CNTLN: variants seen among roughly 807,000 people sequenced by gnomAD.
CNTLN encodes the protein centlein, centrosomal protein.
Under a neutral mutation model 180.0 loss-of-function variants are expected in CNTLN, and 212 were observed. The ratio of observed to expected loss-of-function variants is 1.18; its 90% CI spans 1.05 to 1.32. The LOEUF is 1.32. CNTLN is among the 40% of genes most tolerant of loss of function. The pLI is 0.00. For synonymous variants in CNTLN, 722 were observed against 563.1 expected (o/e 1.28, Z -3.99); for missense variants, 2,095 against 1,610.9 (o/e 1.30, Z -5.14).
At chr9:17,359,744 A>ACAAAAAAAG (rs1384389931) in intron 12 of CNTLN, among the ~76,000 whole-genome samples, 1 of 50,204 alleles carries the variant, frequency 2.0e-5, no homozygotes, top group African/African-American at 5.3e-5. Flanking sequence ...AAAAAAAAAA[A>ACAAAAAAAG]AAAAAACTAG....
intron 12 of CNTLN, among the ~76,000 whole-genome samples, chr9:17,362,362 A>T (rs1400798035): frequency 6.6e-6 from 1 of 152,106 alleles, no homozygotes; most frequent in Non-Finnish European, 1.5e-5. Context: ...GTGCATGTGT[A>T]TGTGTTCCTC....
chr9:17,142,083 G>GAAAAAA (rs1180057903), intron 1 of CNTLN, among the ~76,000 whole-genome samples: 1 of 57,724 alleles, frequency 1.7e-5, no homozygotes, highest in African/African-American at 6.3e-5. Context: ...CTCTGTCTCA[G>GAAAAAA]AAAAAAAAAA....
chr9:17,305,050 G>C (rs1164291022), intron 7 of CNTLN, among the ~76,000 whole-genome samples: 2 of 152,004 alleles, frequency 1.3e-5, no homozygotes, highest in Non-Finnish European at 2.9e-5. Flanking sequence ...TTTCAAAATT[G>C]TTAAGATATA....
At chr9:17,526,157 G>A in the CNTLN span, among the ~76,000 whole-genome samples, 13 of 152,098 alleles carry the variant, frequency 8.5e-5, no homozygotes, top group African/African-American at 2.7e-4. Context: ...GGATGGTCTC[G>A]ATCTCCTGAC....
At chr9:17,235,871 G>A in intron 4 of CNTLN, 79 bp downstream of exon 4, 2 of 1,459,678 alleles carry the variant, frequency 1.4e-6, no homozygotes, top group Non-Finnish European at 1.8e-6. Context: ...TTGTGGCACA[G>A]AAAGTGACAG....
At chr9:17,174,002 A>G (rs985925220) in intron 2 of CNTLN, among the ~76,000 whole-genome samples, 7 of 152,120 alleles carry the variant, frequency 4.6e-5, no homozygotes, top group Non-Finnish European at 1.0e-4. Context: ...TCCACACCCT[A>G]GCCTGTTTGT....
At chr9:17,138,975 C>G (rs897248664) in intron 1 of CNTLN, among the ~76,000 whole-genome samples, 3 of 151,750 alleles carry the variant, frequency 2.0e-5, no homozygotes, top group African/African-American at 7.3e-5. Context: ...GTTTCATAGC[C>G]CAAGTTTAAT....
At chr9:17,289,915 T>G (rs1430414497) in intron 6 of CNTLN, among the ~76,000 whole-genome samples, 1 of 144,402 alleles carries the variant, frequency 6.9e-6, no homozygotes, top group African/African-American at 2.7e-5. Flanking sequence ...TTCTTCTAAA[T>G]TTTTTTCAAA....
chr9:17,437,314 C>T (rs540017657), intron 18 of CNTLN, among the ~76,000 whole-genome samples: 1 of 152,298 alleles, frequency 6.6e-6, no homozygotes, highest in East Asian at 1.9e-4. Flanking sequence ...TATAAAATTG[C>T]ACTTCTTATA....
At chr9:17,436,202 A>G (rs1004133330) in intron 18 of CNTLN, among the ~76,000 whole-genome samples, 28 of 152,132 alleles carry the variant, frequency 1.8e-4, no homozygotes, top group Admixed American at 1.6e-3. Context: ...ATTATATACT[A>G]TTGTTTAGTT....
At chr9:17,412,453 A>G (rs1198754385) in intron 16 of CNTLN, among the ~76,000 whole-genome samples, 1 of 152,182 alleles carries the variant, frequency 6.6e-6, no homozygotes. Context: ...ACTCACTACA[A>G]TGGTTTGAGT....
intron 7 of CNTLN, chr9:17,302,058 T>C (rs1818396176): frequency 2.0e-6 from 2 of 984,864 alleles, no homozygotes; most frequent in South Asian, 9.4e-5. Context: ...ACTATTACTA[T>C]TCATTATAGT....
intron 8 of CNTLN, among the ~76,000 whole-genome samples, chr9:17,315,091 T>C (rs915055779): frequency 6.6e-6 from 1 of 152,290 alleles, no homozygotes; most frequent in Admixed American, 6.5e-5. Context: ...CTTTATTCTT[T>C]TGTGCAATTC....
intron 13 of CNTLN, among the ~76,000 whole-genome samples, chr9:17,378,928 A>C (rs1825001468): frequency 6.6e-6 from 1 of 152,058 alleles, no homozygotes. Flanking sequence ...GACTTCTTTA[A>C]TATTTCTTAG....
At chr9:17,343,797 T>A (rs1821669619) in intron 12 of CNTLN, among the ~76,000 whole-genome samples, 1 of 152,036 alleles carries the variant, frequency 6.6e-6, no homozygotes, top group South Asian at 2.1e-4. Flanking sequence ...CCCGCTACTC[T>A]CCCCACCAAA....
At chr9:17,222,569 A>T (rs535263654) in intron 2 of CNTLN, among the ~76,000 whole-genome samples, 1 of 152,072 alleles carries the variant, frequency 6.6e-6, no homozygotes, top group East Asian at 1.9e-4. Context: ...TGCCATGTGT[A>T]AGAAGTACCT....
intron 2 of CNTLN, among the ~76,000 whole-genome samples, chr9:17,163,966 C>T (rs182740392): frequency 1.4e-4 from 21 of 151,862 alleles, no homozygotes; most frequent in Admixed American, 5.9e-4. Context: ...TTGCAGTGAG[C>T]TGAATTCATG....
chr9:17,447,250 G>T, intron 18 of CNTLN: 1 of 212,984 alleles, frequency 4.7e-6, no homozygotes, highest in Admixed American at 4.2e-5. Flanking sequence ...GAGCCATGTT[G>T]CCAAGCCTAA....
intron 12 of CNTLN, among the ~76,000 whole-genome samples, chr9:17,358,588 G>A (rs1358950497): frequency 6.6e-6 from 1 of 152,048 alleles, no homozygotes; most frequent in Non-Finnish European, 1.5e-5. Context: ...ATGGCATAAT[G>A]TGAATATTTT....
Sources: gnomAD v4.1 joint callset for allele counts (sites outside exome capture counted in the v4.1 genomes callset) on GRCh38, gnomAD v4.1.1 for gene constraint, MANE v1.5 for transcripts, NCBI Gene and HGNC (gene_info 2026-07-23, HGNC 2026-07-21) for gene names.